PLCXD1: variants seen among roughly 807,000 people sequenced by gnomAD.
PLCXD1 encodes the protein PI-PLC X domain-containing protein 1.
In PLCXD1, 45 loss-of-function variants were observed where a neutral mutation model predicts 37.8. The ratio of observed to expected loss-of-function variants is 1.19; its 90% confidence interval spans 0.94 to 1.53. The LOEUF is 1.53. Ranked by LOEUF, PLCXD1 falls within the 40% of genes most tolerant of loss-of-function variation. The probability of loss-of-function intolerance (pLI) is 0.00; values close to 1 mark genes in which losing one functional copy is unlikely to be tolerated. For synonymous variants in PLCXD1, 246 were observed against 206.9 expected (o/e 1.19, Z -1.62); for missense variants, 539 against 454.7 (o/e 1.19, Z -1.69).
upstream of PLCXD1, among the ~76,000 whole-genome samples, chrX:277,195 A>G (rs923983877): frequency 6.5e-5 from 9 of 139,378 alleles, 1 homozygote; most frequent in Non-Finnish European, 1.4e-4. Flanking sequence ...GCGTCGGGGG[A>G]CCTGGGGACA....
rs2069995066 is a variant in PLCXD1, at chrX:300,771, T to G, written c.*1436T>G. ...CAGGCTGGAGTGCAACGGCGAGATC[T>G]CGGCTCACCGCAACCTCCGCCTCCC... On this transcript the variant is annotated 3_prime_UTR_variant, in exon 7 of 7. Transcript: ENST00000381657. 6.7e-6 allele frequency: 1 copy of G among 150,100 alleles called. No homozygotes were observed. The highest frequency in any genetic ancestry group is 6.6e-5 in the Admixed American group (1 of 15,086). 9.3% of individuals were successfully genotyped at this position (150,100 alleles called of 1,614,324 possible). A position where few individuals can be genotyped will look rare whatever the true frequency, so the allele number is the denominator to read the frequency against.
At chrX:286,290 C>G (rs1490837925) in intron 2 of PLCXD1, among the ~76,000 whole-genome samples, 1 of 151,986 alleles carries the variant, frequency 6.6e-6, no homozygotes, top group African/African-American at 2.4e-5. Context: ...GTCTCGAACT[C>G]CCGACCTCAG....
At chrX:278,607 T>C (rs56236081), upstream of PLCXD1, among the ~76,000 whole-genome samples, 78,863 of 151,398 alleles carry the variant, frequency 0.52, 20,752 homozygotes, top group Non-Finnish European at 0.55. Context: ...GGTGTGGTGG[T>C]GGGCGCCTGT....
chrX:302,428 T>C lies in PLCXD1; in HGVS notation c.*3093T>C, dbSNP rs1485833716. ...GTTTTTTTGAGATGGATTTTCCCTC[T>C]TGTTGTTCAGGCTGGAGTGCAATGG... On this transcript the variant is annotated 3_prime_UTR_variant, in exon 7 of 7. Coordinates refer to ENST00000381657, the MANE Select transcript of PLCXD1 (RefSeq NM_018390.4). 1 of 115,112 alleles carries C rather than the reference T, an allele frequency of 8.7e-6. No homozygotes were observed. The highest frequency in any genetic ancestry group is 2.1e-5 in the Non-Finnish European group (1 of 47,738). 7.1% of individuals were successfully genotyped at this position (115,112 alleles called of 1,614,324 possible). A position where few individuals can be genotyped will look rare whatever the true frequency, so the allele number is the denominator to read the frequency against.
chrX:278,682 T>C (rs1307871196), upstream of PLCXD1, among the ~76,000 whole-genome samples: 1 of 141,614 alleles, frequency 7.1e-6, no homozygotes, highest in Non-Finnish European at 1.5e-5. Context: ...GAGGTTGCAG[T>C]GAGCCGAGAT....
rs1197373055 is a variant in PLCXD1, at chrX:303,232, TGAA to T, written c.*3901_*3903del. ...AGGGCTCGGGCAGGCCCCGCGGAGA[TGAA>T]GAATTTGCAGGGAGCCTCCCTGACT... On this transcript the variant is annotated 3_prime_UTR_variant, in exon 7 of 7. Coordinates refer to ENST00000381657, the MANE Select transcript of PLCXD1 (RefSeq NM_018390.4). 1.3e-5 allele frequency: 2 copies of T among 152,140 alleles called. No individual in the cohort carries two copies. Among genetic ancestry groups the T allele is most frequent in the African/African-American group, 4.8e-5 (2 of 41,440 alleles). The allele number at this position is 152,140 out of a possible 1,614,324, so 9.4% of individuals were successfully genotyped here. A position where few individuals can be genotyped will look rare whatever the true frequency, so the allele number is the denominator to read the frequency against.
chrX:298,844 A>G (rs1245710945), intron 6 of PLCXD1, among the ~76,000 whole-genome samples: 1 of 150,916 alleles, frequency 6.6e-6, no homozygotes, highest in Non-Finnish European at 1.5e-5. Context: ...TCTGTCTATC[A>G]CATGGGGATT....
intron 2 of PLCXD1, among the ~76,000 whole-genome samples, chrX:285,325 T>C (rs2069414832): frequency 6.6e-6 from 1 of 151,520 alleles, no homozygotes; most frequent in Non-Finnish European, 1.5e-5. Flanking sequence ...TGTGCGGGTG[T>C]GTACACATGC....
intron 5 of PLCXD1, among the ~76,000 whole-genome samples, 158 bp from the exon 6 acceptor site, chrX:292,877 T>G (rs1346367552): frequency 6.6e-6 from 1 of 152,098 alleles, no homozygotes; most frequent in Admixed American, 6.6e-5. Context: ...CCTCCCAAAG[T>G]GCTGGGATTA....
Position 302,858 on chromosome X carries a change from G to A in PLCXD1, c.*3523G>A, listed in dbSNP as rs2070061085. On this transcript the variant is annotated 3_prime_UTR_variant, in exon 7 of 7. Transcript: ENST00000381657. ...CAAAGTGCTGGGATGACAGGCGTGA[G>A]CCACCGCGCCCGGCCTATACCTCAT... 1 of 152,226 alleles carries A rather than the reference G, an allele frequency of 6.6e-6. No individual in the cohort carries two copies. The highest frequency in any genetic ancestry group is 6.5e-5 in the Admixed American group (1 of 15,282). The allele number at this position is 152,226 out of a possible 1,614,324, so 9.4% of individuals were successfully genotyped here.
At chrX:293,305 A>G in intron 6 of PLCXD1, 87 bp downstream of exon 6, 3 of 989,234 alleles carry the variant, frequency 3.0e-6, no homozygotes, top group Non-Finnish European at 4.6e-6. Context: ...ACTTGCCTTC[A>G]CTTTTACGTG....
At chrX:294,462 A>T (rs1004538863) in intron 6 of PLCXD1, among the ~76,000 whole-genome samples, 1 of 150,480 alleles carries the variant, frequency 6.6e-6, no homozygotes, top group Non-Finnish European at 1.5e-5. Context: ...AGCCTGGGCG[A>T]CAGAGTGGAA....
intron 2 of PLCXD1, among the ~76,000 whole-genome samples, 186 bp downstream of exon 2, chrX:284,500 A>G (rs1306974689): frequency 1.3e-5 from 2 of 152,220 alleles, no homozygotes; most frequent in Admixed American, 6.5e-5. Context: ...GTGTGTGCAT[A>G]CACATATGTA....
upstream of PLCXD1, among the ~76,000 whole-genome samples, chrX:278,156 C>G (rs1411824510): frequency 1.7e-5 from 1 of 59,718 alleles, no homozygotes; most frequent in African/African-American, 5.3e-5. Flanking sequence ...GGTCAGGGGA[C>G]TTGGGATGTG....
intron 3 of PLCXD1, among the ~76,000 whole-genome samples, chrX:289,433 G>A (rs925716345): frequency 6.6e-6 from 1 of 151,504 alleles, no homozygotes; most frequent in Non-Finnish European, 1.5e-5. Flanking sequence ...AGCATCGCAG[G>A]CCTCCACTGA....
intron 2 of PLCXD1, among the ~76,000 whole-genome samples, chrX:287,003 A>G (rs1298118711): frequency 3.3e-5 from 5 of 151,808 alleles, no homozygotes; most frequent in Non-Finnish European, 7.4e-5. Flanking sequence ...CAGAGGATGT[A>G]AAGGGGCTTC....
rs2069279942 is a variant in PLCXD1, at chrX:281,629, C to T, written c.-77C>T. 6.6e-6 allele frequency: 1 copy of T among 152,212 alleles called. No individual in the cohort carries two copies. The highest frequency in any genetic ancestry group is 2.1e-4 in the South Asian group (1 of 4,828). 9.4% of individuals were successfully genotyped at this position (152,212 alleles called of 1,614,324 possible). A position where few individuals can be genotyped will look rare whatever the true frequency, so the allele number is the denominator to read the frequency against. On this transcript the variant is annotated 5_prime_UTR_variant, in exon 1 of 7. Coordinates refer to ENST00000381657, the MANE Select transcript of PLCXD1 (RefSeq NM_018390.4). ...GCCCAGGGAGACCAGGCCTTTCATTCTGGGCTCGAGACCAACAATTCGAAT... is the reference window on the plus strand; with the variant it reads ...GCCCAGGGAGACCAGGCCTTTCATTTTGGGCTCGAGACCAACAATTCGAAT...
At chrX:281,187 C>A (rs1199638449), upstream of PLCXD1, 7 of 245,358 alleles carry the variant, frequency 2.9e-5, no homozygotes, top group Non-Finnish European at 4.0e-5. Context: ...GGGAAGCCGT[C>A]CTGGGCCTTT....
At chrX:288,975 C>G in intron 3 of PLCXD1, 106 bp downstream of exon 3, 1 of 1,102,174 alleles carries the variant, frequency 9.1e-7, no homozygotes, top group Non-Finnish European at 1.4e-6. Context: ...TGAGTGGTGC[C>G]CTGTGGGCTC....
Sources: gnomAD v4.1 joint callset for allele counts (sites outside exome capture counted in the v4.1 genomes callset) on GRCh38, gnomAD v4.1.1 for gene constraint, MANE v1.5 for transcripts, NCBI Gene and HGNC (gene_info 2026-07-23, HGNC 2026-07-21) for gene names.